Variants in PKHD1L1 observed in about 807,000 individuals in gnomAD.
The protein encoded by PKHD1L1 is fibrocystin-L.
In PKHD1L1, 434 loss-of-function variants were observed where a neutral mutation model predicts 462.9. The observed-to-expected ratio is 0.94, with a 90% CI of 0.87 to 1.02. The LOEUF (loss-of-function observed/expected upper bound fraction) is 1.02, where lower values mean the gene tolerates loss of function less well. Ranked by LOEUF, PKHD1L1 falls within the 50% of genes least tolerant of loss-of-function variation. PKHD1L1 has a pLI of 0.00. For missense variants in PKHD1L1, 5,202 were observed against 5,096.1 expected (o/e 1.02, Z -0.63); for synonymous variants, 1,781 against 1,750.0 (o/e 1.02, Z -0.44).
chr8:109,457,384 C>T (rs1159073303), intron 46 of PKHD1L1, among the ~76,000 whole-genome samples: 1 of 152,124 alleles, frequency 6.6e-6, no homozygotes, highest in Non-Finnish European at 1.5e-5. Flanking sequence ...GGGTTACTAA[C>T]AGCATAGAAA....
intron 76 of PKHD1L1, among the ~76,000 whole-genome samples, chr8:109,525,658 C>A (rs1482414499): frequency 1.3e-5 from 2 of 151,974 alleles, no homozygotes; most frequent in Non-Finnish European, 2.9e-5. Context: ...CTTCACAGTA[C>A]TTCAGGAGGA....
chr8:109,448,547 G>A (rs576270876), intron 39 of PKHD1L1, among the ~76,000 whole-genome samples, 156 bp downstream of exon 39: 138 of 148,250 alleles, frequency 9.3e-4, no homozygotes, highest in African/African-American at 3.3e-3. Context: ...AGTCTCGCTC[G>A]GTCGCCCAGG....
chr8:109,456,362 T>C lies in PKHD1L1; in HGVS notation c.6975T>C (p.Asp2325=). The change falls in exon 46 of 78, where the codon GAT becomes GAC. Residue 2325 remains aspartate, a synonymous_variant. Coordinates refer to ENST00000378402, the MANE Select transcript of PKHD1L1 (RefSeq NM_177531.6). ...LQEAVTWKPG[D]NIVIASTGHR... is the part of the protein sequence containing the mutation. ...AAGCAGTAACATGGAAACCAGGAGA[T>C]AACATTGTAATTGCAAGCACAGGAC... 1 of 1,609,800 alleles carries C rather than the reference T, an allele frequency of 6.2e-7. No homozygotes were observed. Among genetic ancestry groups the C allele is most frequent in the Non-Finnish European group, 8.5e-7 (1 of 1,177,822 alleles).
intron 77 of PKHD1L1, among the ~76,000 whole-genome samples, chr8:109,528,364 AT>A (rs1318848633): frequency 7.9e-5 from 12 of 152,208 alleles, no homozygotes; most frequent in Non-Finnish European, 1.3e-4. Flanking sequence ...TTGCTGTCAG[AT>A]TTAAGGTCAT....
chr8:109,379,453 T>C (rs1332407583), intron 2 of PKHD1L1, among the ~76,000 whole-genome samples: 1 of 152,166 alleles, frequency 6.6e-6, no homozygotes, highest in East Asian at 1.9e-4. Flanking sequence ...CTCAGAAACA[T>C]GTAGCTTAGT....
intron 73 of PKHD1L1, 33 bp downstream of exon 73, chr8:109,518,541 GCAATTAC>G: frequency 6.6e-7 from 1 of 1,519,682 alleles, no homozygotes; most frequent in Non-Finnish European, 8.9e-7. Flanking sequence ...ATGGAGGAAT[GCAATTAC>G]CAAATCCATA....
In PKHD1L1 at chr8:109,371,622, G is replaced by C. The variant is rs528787017; in HGVS notation, c.163+6986G>C. Among the ~76,000 whole-genome samples, 71 of 136,094 alleles carry C rather than the reference G, an allele frequency of 5.2e-4. 1 individual carries two copies. The highest frequency in any genetic ancestry group is 3.4e-3 in the South Asian group (13 of 3,828). 89.3% of individuals were successfully genotyped at this position (136,094 alleles called of 152,430 possible). On this transcript the variant is annotated intron_variant, in intron 2 of 77. Coordinates refer to ENST00000378402, the MANE Select transcript of PKHD1L1 (RefSeq NM_177531.6). ...GGTATTGCCTAGGTTTTCTTCTAGG[G>C]TTTTTATGGTTTTAGGTCTAACATG...
At chr8:109,416,666 G>C (rs1814188718) in intron 21 of PKHD1L1, among the ~76,000 whole-genome samples, 1 of 152,130 alleles carries the variant, frequency 6.6e-6, no homozygotes, top group Non-Finnish European at 1.5e-5. Context: ...AGGAATTATT[G>C]ACTCAGAAGG....
chr8:109,445,270 C>T lies in PKHD1L1; in HGVS notation c.5401C>T (p.Leu1801Phe), dbSNP rs1360644744. 9.3e-6 allele frequency: 15 copies of T among 1,613,902 alleles called. No individual in the cohort carries two copies. In the Admixed American group the frequency reaches 2.2e-4, roughly 23 times the overall value. ...GGTTAATGAAAACAACATCACTGCT[C>T]TTGTGACTCCTCTCCCAGTTGGACA... ...IEVNENNITA[L>F]VTPLPVGHHS... The change falls in exon 38 of 78, where the codon CTT becomes TTT. Residue 1801 changes from leucine to phenylalanine, a missense_variant. Transcript: ENST00000378402.
At chr8:109,455,329 C>A (rs533609765) in intron 45 of PKHD1L1, among the ~76,000 whole-genome samples, 2 of 152,294 alleles carry the variant, frequency 1.3e-5, no homozygotes, top group East Asian at 3.9e-4. Context: ...TAGAGTGAGA[C>A]TCTGTCTCTG....
intron 65 of PKHD1L1, 146 bp downstream of exon 65, chr8:109,497,418 T>C: frequency 1.7e-6 from 1 of 574,536 alleles, no homozygotes; most frequent in Non-Finnish European, 2.7e-6. Flanking sequence ...GCCCTCTGCC[T>C]AAAAAACCGT....
Position 109,518,494 on chromosome 8 carries a change from G to A in PKHD1L1, c.12017G>A (p.Ser4006Asn). 6.3e-7 allele frequency: 1 copy of A among 1,599,030 alleles called. No homozygotes were observed. Among genetic ancestry groups the A allele is most frequent in the South Asian group, 1.1e-5 (1 of 90,716 alleles). Residue 4006 changes from serine (S) to asparagine (N), a missense_variant, in exon 73 of 78, where the codon AGC becomes AAC. By Grantham distance (46) the Ser-to-Asn change is conservative. Coordinates refer to ENST00000378402, the MANE Select transcript of PKHD1L1 (RefSeq NM_177531.6). The stretch of plus-strand genomic sequence containing the variant: ...GGAGACCCTCCTATTCAGTTCATAA[G>A]CAATGGCACCACAGGTATGAATAAC... ...EIGDPPIQFI[S>N]NGTTGQMQLS...
In PKHD1L1 at chr8:109,475,161, G is replaced by A. The variant is rs765243222; in HGVS notation, c.8649G>A (p.Met2883Ile). The A allele has an allele frequency of 1.2e-6, 2 of 1,612,526 alleles. No homozygotes were observed. The highest frequency in any genetic ancestry group is 2.2e-5 in the East Asian group (1 of 44,758). The change falls in exon 51 of 78, where the codon ATG becomes ATA. Residue 2883 changes from methionine (M) to isoleucine (I), a missense_variant. Met to Ile is a conservative substitution (Grantham distance 10, BLOSUM62 1). Coordinates refer to ENST00000378402, the MANE Select transcript of PKHD1L1 (RefSeq NM_177531.6). ...IPFQKKRLTH[M>I]SGWMALIPNA... is the part of the protein sequence containing the mutation. The stretch of plus-strand genomic sequence containing the variant: ...TTCAGAAGAAACGACTGACTCATAT[G>A]TCTGGATGGATGGCTCTGATTCCAA...
At chr8:109,393,028 TCC>T (rs1812785438) in intron 9 of PKHD1L1, among the ~76,000 whole-genome samples, 1 of 152,156 alleles carries the variant, frequency 6.6e-6, no homozygotes, top group Admixed American at 6.5e-5. Flanking sequence ...GGAGGCAATT[TCC>T]CCACTAACTT....
chr8:109,471,705 G>C (rs1435068569), intron 50 of PKHD1L1, among the ~76,000 whole-genome samples: 1 of 152,104 alleles, frequency 6.6e-6, no homozygotes, highest in Admixed American at 6.6e-5. Flanking sequence ...GTAGTAAACT[G>C]TTCTTAATGA....
chr8:109,527,532 A>T (rs1253400860), intron 77 of PKHD1L1, among the ~76,000 whole-genome samples: 1 of 152,172 alleles, frequency 6.6e-6, no homozygotes, highest in Non-Finnish European at 1.5e-5. Flanking sequence ...TATGTAAATA[A>T]ATAAATAAAT....
At chr8:109,486,259 G>A (rs552725057) in intron 58 of PKHD1L1, among the ~76,000 whole-genome samples, 1 of 151,780 alleles carries the variant, frequency 6.6e-6, no homozygotes, top group East Asian at 1.9e-4. Flanking sequence ...CCTAGCTTTG[G>A]GCAAATTCTT....
At chr8:109,404,968 T>C (rs1813456826) in intron 15 of PKHD1L1, 27 bp from the exon 16 acceptor site, 1 of 1,361,152 alleles carries the variant, frequency 7.3e-7, no homozygotes, top group Non-Finnish European at 9.9e-7. Context: ...TTTCATATAT[T>C]AAAAATGTTT....
At chr8:109,396,158 T>C in intron 11 of PKHD1L1, 21 bp downstream of exon 11, 1 of 1,518,902 alleles carries the variant, frequency 6.6e-7, no homozygotes, top group Non-Finnish European at 9.0e-7. Flanking sequence ...TGGTTTTTGA[T>C]ATATTACTTT....
Sources: gnomAD v4.1 joint callset for allele counts (sites outside exome capture counted in the v4.1 genomes callset) on GRCh38, gnomAD v4.1.1 for gene constraint, MANE v1.5 for transcripts, NCBI Gene and HGNC (gene_info 2026-07-23, HGNC 2026-07-21) for gene names.